PRSS38: variants seen among roughly 807,000 people sequenced by gnomAD.
PRSS38 encodes marapsin 2.
A neutral mutation model predicts 26.8 loss-of-function variants in PRSS38; 22 were observed. The observed-to-expected ratio is 0.82, with a 90% CI of 0.59 to 1.17. The LOEUF (loss-of-function observed/expected upper bound fraction) is 1.17, where lower values mean the gene tolerates loss of function less well. Ranked by LOEUF, PRSS38 falls within the 50% of genes most tolerant of loss-of-function variation. The pLI, the probability that PRSS38 is intolerant of heterozygous loss-of-function variation, is 0.00. For synonymous variants in PRSS38, 175 were observed against 172.1 expected (o/e 1.02, Z -0.13); for missense variants, 427 against 422.7 (o/e 1.01, Z -0.09).
At chr1:227,821,333 T>C in intron 3 of PRSS38, among the ~76,000 whole-genome samples, 1 of 152,210 alleles carries the variant, frequency 6.6e-6, no homozygotes, top group Non-Finnish European at 1.5e-5. Context: ...TGAATAGTGC[T>C]GCAATAAATA....
intron 3 of PRSS38, among the ~76,000 whole-genome samples, chr1:227,823,037 A>T (rs1374225904): frequency 1.3e-5 from 2 of 152,124 alleles, no homozygotes; most frequent in Non-Finnish European, 2.9e-5. Flanking sequence ...AGTAACCATC[A>T]CCCAAATAGT....
At chr1:227,846,225 C>G in exon 5 of PRSS38, 2 of 1,603,300 alleles carry the variant, frequency 1.2e-6, no homozygotes, top group Non-Finnish European at 1.7e-6. Context: ...GATACCCACT[C>G]TAGGATTCTC....
At chr1:227,840,914 C>A (rs1053343443) in intron 3 of PRSS38, among the ~76,000 whole-genome samples, 1 of 152,220 alleles carries the variant, frequency 6.6e-6, no homozygotes, top group Non-Finnish European at 1.5e-5. Flanking sequence ...CCTCCTATAT[C>A]AGTTTTCCCT....
intron 3 of PRSS38, among the ~76,000 whole-genome samples, chr1:227,825,554 T>G (rs1665062100): frequency 6.6e-6 from 1 of 152,202 alleles, no homozygotes; most frequent in South Asian, 2.1e-4. Flanking sequence ...TTAATTTTTG[T>G]ATGTGGTGTA....
intron 3 of PRSS38, among the ~76,000 whole-genome samples, chr1:227,820,745 T>C (rs1202084143): frequency 1.3e-5 from 2 of 152,226 alleles, no homozygotes; most frequent in Admixed American, 6.5e-5. Flanking sequence ...GAATGAATTA[T>C]GAAGTGTTGC....
In PRSS38 at chr1:227,817,577, G is replaced by C. The variant is rs1166158991; in HGVS notation, c.583+97G>C. On this transcript the variant is annotated intron_variant, in intron 3 of 4. Coordinates refer to ENST00000366757, the Ensembl canonical transcript of PRSS38. Reference sequence around the variant, plus strand: ...GCCAGCTAAGGGGGTCCAGGTGTTTGGGGACTGGAATCCCCACCTGTCAAT... The same window carrying C: ...GCCAGCTAAGGGGGTCCAGGTGTTTCGGGACTGGAATCCCCACCTGTCAAT... 3 of 1,271,280 alleles carry C rather than the reference G, an allele frequency of 2.4e-6. No homozygotes were observed. The East Asian group carries it at 7.1e-5, about 30-fold the overall frequency. 78.7% of individuals were successfully genotyped at this position (1,271,280 alleles called of 1,614,324 possible). A position where few individuals can be genotyped will look rare whatever the true frequency, so the allele number is the denominator to read the frequency against.
intron 3 of PRSS38, among the ~76,000 whole-genome samples, chr1:227,840,276 C>G (rs1665318039): frequency 6.6e-6 from 1 of 152,088 alleles, no homozygotes; most frequent in South Asian, 2.1e-4. Flanking sequence ...CGTGTGCCAC[C>G]ACACCCAGCT....
Position 227,817,297 on chromosome 1 carries a change from A to G in PRSS38, c.400A>G (p.Arg134Gly), listed in dbSNP as rs751076422. 3.1e-6 allele frequency: 5 copies of G among 1,614,182 alleles called. No individual in the cohort carries two copies. The East Asian group carries it at 1.1e-4, about 36-fold the overall frequency. ...CCACACCCAGTGGTATGAGGTGAACAGGGTGATCCTGCACCCCACATATGA... is the reference window on the plus strand; with the variant it reads ...CCACACCCAGTGGTATGAGGTGAACGGGGTGATCCTGCACCCCACATATGA... Residue 134 changes from arginine to glycine, a missense_variant, in exon 3 of 5, where the codon AGG (arginine) becomes GGG (glycine). Transcript: ENST00000366757.
intron 3 of PRSS38, among the ~76,000 whole-genome samples, chr1:227,829,333 C>T (rs145550109): frequency 0.011 from 1,610 of 152,220 alleles, 32 homozygotes; most frequent in African/African-American, 0.036. Context: ...ATCATTCTGA[C>T]TAGTGTGAGA....
intron 3 of PRSS38, among the ~76,000 whole-genome samples, chr1:227,832,981 A>G (rs1223188744): frequency 6.6e-6 from 1 of 152,218 alleles, no homozygotes; most frequent in Non-Finnish European, 1.5e-5. Flanking sequence ...CAAGGAGATG[A>G]AAACTACAAA....
At chr1:227,823,537 C>T (rs190751443) in intron 3 of PRSS38, among the ~76,000 whole-genome samples, 3 of 152,128 alleles carry the variant, frequency 2.0e-5, no homozygotes, top group African/African-American at 7.2e-5. Flanking sequence ...TGAGGTGGGG[C>T]CAGTAGGAGG....
At chr1:227,843,070 C>T (rs577809105) in intron 3 of PRSS38, among the ~76,000 whole-genome samples, 1 of 152,272 alleles carries the variant, frequency 6.6e-6, no homozygotes, top group South Asian at 2.1e-4. Flanking sequence ...TCTCCTAACA[C>T]CCTGAGACGG....
intron 3 of PRSS38, among the ~76,000 whole-genome samples, chr1:227,840,309 A>T (rs1167241260): frequency 6.6e-6 from 1 of 151,826 alleles, no homozygotes; most frequent in East Asian, 1.9e-4. Flanking sequence ...TTTTGTAGAG[A>T]TGGGGGTCTC....
intron 3 of PRSS38, among the ~76,000 whole-genome samples, chr1:227,820,204 A>T (rs1027576180): frequency 4.1e-5 from 6 of 146,114 alleles, no homozygotes; most frequent in South Asian, 4.4e-4. Context: ...TTTTTTTTTT[A>T]AAGATTAATT....
chr1:227,842,208 C>T (rs964372616), intron 3 of PRSS38, among the ~76,000 whole-genome samples: 2 of 152,108 alleles, frequency 1.3e-5, no homozygotes, highest in African/African-American at 2.4e-5. Context: ...GCAGGGCAGG[C>T]GAATAGTGCC....
chr1:227,845,995 C>A, exon 5 of PRSS38: 1 of 1,614,198 alleles, frequency 6.2e-7, no homozygotes, highest in Non-Finnish European at 8.5e-7. Flanking sequence ...TCAACCGCAG[C>A]TGGTTGCAGA....
At chr1:227,821,477 C>G (rs1414475587) in intron 3 of PRSS38, among the ~76,000 whole-genome samples, 1 of 152,058 alleles carries the variant, frequency 6.6e-6, no homozygotes, top group African/African-American at 2.4e-5. Flanking sequence ...TGTGTCCTTT[C>G]TTTTCAATGT....
chr1:227,825,102 T>C (rs1665053646), intron 3 of PRSS38, among the ~76,000 whole-genome samples: 1 of 152,240 alleles, frequency 6.6e-6, no homozygotes, highest in Non-Finnish European at 1.5e-5. Flanking sequence ...TTTTTGCTTT[T>C]GTTGCAATTG....
rs756149039 is a variant in PRSS38, at chr1:227,845,450, C to T, written c.584-20C>T. On this transcript the variant is annotated intron_variant, in intron 3 of 4. Coordinates refer to ENST00000366757, the Ensembl canonical transcript of PRSS38. ...ACACGAAGCAGGTGCTGCCCCCTCA[C>T]GGGAGCCCTCCTCCCACAGGTGAGA... is the stretch of plus-strand genomic sequence containing the variant. The T allele has an allele frequency of 8.9e-5, 142 of 1,596,954 alleles. No individual in the cohort carries two copies. Among genetic ancestry groups the T allele is most frequent in the Non-Finnish European group, 9.7e-5 (114 of 1,172,884 alleles).
Sources: gnomAD v4.1 joint callset for allele counts (sites outside exome capture counted in the v4.1 genomes callset) on GRCh38, gnomAD v4.1.1 for gene constraint, MANE v1.5 for transcripts, NCBI Gene and HGNC (gene_info 2026-07-23, HGNC 2026-07-21) for gene names.